The following EBAG9 variants were observed in gnomAD, a reference collection of about 807,000 sequenced individuals.
EBAG9 encodes estrogen receptor binding site associated antigen 9.
Under a neutral mutation model 30.9 loss-of-function variants are expected in EBAG9, and 16 were observed. The observed-to-expected ratio is 0.52, with a 90% CI of 0.35 to 0.79. The LOEUF is 0.79. Among genes scored for constraint, EBAG9 ranks in the 30% least tolerant of loss-of-function variants. EBAG9 has a pLI of 0.01. For missense variants in EBAG9, 197 were observed against 242.1 expected (o/e 0.81, Z 1.24); for synonymous variants, 93 against 82.8 (o/e 1.12, Z -0.67).
chr8:109,560,800 C>T (rs1821695179), intron 5 of EBAG9, 38 bp from the exon 6 acceptor site: 1 of 1,461,768 alleles, frequency 6.8e-7, no homozygotes, highest in Non-Finnish European at 9.6e-7. Flanking sequence ...GAAAGGATGG[C>T]TTTTACTCTC....
chr8:109,557,669 G>A (rs1821628402), intron 5 of EBAG9: 3 of 455,948 alleles, frequency 6.6e-6, no homozygotes, highest in South Asian at 4.6e-5. Flanking sequence ...AGTTTCTGTG[G>A]ATTGGGAATC....
intron 4 of EBAG9, among the ~76,000 whole-genome samples, chr8:109,556,731 A>G (rs1024183585): frequency 3.9e-5 from 6 of 152,148 alleles, no homozygotes; most frequent in Admixed American, 3.3e-4. Context: ...TAATTTTTAA[A>G]AGTGAAATAC....
At chr8:109,549,273 A>G (rs1436950393) in intron 1 of EBAG9, among the ~76,000 whole-genome samples, 1 of 152,010 alleles carries the variant, frequency 6.6e-6, no homozygotes, top group Non-Finnish European at 1.5e-5. Flanking sequence ...TGTAGTATCC[A>G]TTTATATATT....
chr8:109,545,584 C>T (rs1030254482), intron 1 of EBAG9, among the ~76,000 whole-genome samples: 3 of 151,900 alleles, frequency 2.0e-5, no homozygotes, highest in Non-Finnish European at 2.9e-5. Context: ...AGGCTGGTCT[C>T]GAACTCCTGA....
At chr8:109,550,160 A>G (rs1459900120) in intron 1 of EBAG9, 1 of 151,906 alleles carries the variant, frequency 6.6e-6, no homozygotes, top group African/African-American at 2.4e-5. Context: ...TGCCTTTTCA[A>G]TTGAGTAGTT....
chr8:109,545,178 C>G (rs1479694701), intron 1 of EBAG9, among the ~76,000 whole-genome samples: 2 of 151,564 alleles, frequency 1.3e-5, no homozygotes, highest in African/African-American at 2.4e-5. Context: ...AAAAATTAAC[C>G]TGGTGTGGTG....
chr8:109,544,680 A>C (rs1470947691), intron 1 of EBAG9, among the ~76,000 whole-genome samples: 1 of 152,226 alleles, frequency 6.6e-6, no homozygotes, highest in Non-Finnish European at 1.5e-5. Flanking sequence ...AAGTGTGTGC[A>C]CATATGCACA....
intron 6 of EBAG9, chr8:109,563,456 C>G (rs760947681): frequency 6.3e-7 from 1 of 1,597,628 alleles, no homozygotes; most frequent in East Asian, 2.2e-5. Flanking sequence ...ACTCCTACCT[C>G]CACTCCCTAC....
Position 109,557,022 on chromosome 8 carries a change from C to A in EBAG9, c.409C>A (p.Leu137Met), listed in dbSNP as rs1350736209. ...TAGTAGATTAGCAGCTACACAAGAT[C>A]TGCCTTTTATTCATCAGTCTGTAAG... ...FSSRLAATQD[L>M]PFIHQSSELG... The change falls in exon 5 of 7, where the codon CTG becomes ATG. Residue 137 changes from leucine (L) to methionine (M), a missense_variant. By Grantham distance (15) the Leu-to-Met change is conservative (BLOSUM62 2). Transcript: ENST00000337573. 3 of 1,605,874 alleles carry A rather than the reference C, an allele frequency of 1.9e-6. No homozygotes were observed. Among genetic ancestry groups the A allele is most frequent in the Non-Finnish European group, 2.6e-6 (3 of 1,175,234 alleles).
At chr8:109,543,750 G>GC (rs1461714504) in intron 1 of EBAG9, among the ~76,000 whole-genome samples, 1 of 152,112 alleles carries the variant, frequency 6.6e-6, no homozygotes, top group Non-Finnish European at 1.5e-5. Context: ...AAAAGCATGG[G>GC]CTGGGCATGG....
At chr8:109,554,938 T>C (rs764082993) in intron 4 of EBAG9, 51 bp downstream of exon 4, 1 of 1,529,796 alleles carries the variant, frequency 6.5e-7, no homozygotes, top group South Asian at 1.2e-5. Context: ...TAGATTCCTA[T>C]AGTTAAAATT....
chr8:109,562,485 T>C (rs569093762), intron 6 of EBAG9, among the ~76,000 whole-genome samples: 23 of 152,072 alleles, frequency 1.5e-4, no homozygotes, highest in African/African-American at 5.5e-4. Context: ...TGAATAGACA[T>C]TGAGCATTTT....
chr8:109,554,373 T>C (rs1037815419), intron 3 of EBAG9, among the ~76,000 whole-genome samples: 1 of 152,184 alleles, frequency 6.6e-6, no homozygotes, highest in Non-Finnish European at 1.5e-5. Context: ...GTGGAGAAGC[T>C]TGGTATTTTT....
chr8:109,554,810 A>G lies in EBAG9; in HGVS notation c.244A>G (p.Thr82Ala), dbSNP rs752861880. The change falls in exon 4 of 7, where the codon ACA becomes GCA. Residue 82 changes from threonine to alanine, a missense_variant. By Grantham distance (58) the Thr-to-Ala change is moderately conservative. Coordinates refer to ENST00000337573, the MANE Select transcript of EBAG9 (RefSeq NM_004215.5). Reference sequence around the variant, plus strand: ...CGAAGGAGGGAATGGGAATGTGGCAACACAACAAAATTCTTTGGAACAACT... The same window carrying G: ...CGAAGGAGGGAATGGGAATGTGGCAGCACAACAAAATTCTTTGGAACAACT... ...KIEGGNGNVA[T>A]QQNSLEQLEP... 8 of 1,613,896 alleles carry G rather than the reference A, an allele frequency of 5.0e-6. No homozygotes were observed. The highest frequency in any genetic ancestry group is 6.8e-6 in the Non-Finnish European group (8 of 1,179,850).
At chr8:109,557,788 C>T (rs1420649612) in intron 5 of EBAG9, 2 of 437,264 alleles carry the variant, frequency 4.6e-6, no homozygotes, top group African/African-American at 4.0e-5. Context: ...TCGAAGGATT[C>T]ATTTCAAAGA....
At chr8:109,550,405 A>G (rs910590772) in intron 1 of EBAG9, 5 of 153,900 alleles carry the variant, frequency 3.2e-5, no homozygotes, top group African/African-American at 1.2e-4. Flanking sequence ...AAATGGATAT[A>G]AGGAAATATA....
intron 4 of EBAG9, among the ~76,000 whole-genome samples, chr8:109,555,295 C>T (rs1432935423): frequency 6.6e-6 from 1 of 152,104 alleles, no homozygotes; most frequent in East Asian, 1.9e-4. Flanking sequence ...CATCCATGTC[C>T]CTATGGAGGA....
At chr8:109,542,675 A>C (rs939321669) in intron 1 of EBAG9, among the ~76,000 whole-genome samples, 1 of 152,174 alleles carries the variant, frequency 6.6e-6, no homozygotes, top group African/African-American at 2.4e-5. Context: ...GCTTTAAATG[A>C]AGTGATTGTT....
chr8:109,541,992 AGATGT>A lies in EBAG9; in HGVS notation c.-16+1532_-16+1536del, dbSNP rs369072431. Among the ~76,000 whole-genome samples, 1,181 of 152,306 alleles carry A rather than the reference AGATGT, an allele frequency of 7.8e-3. 12 individuals carry two copies. The highest frequency in any genetic ancestry group is 0.026 in the African/African-American group (1,093 of 41,582). On this transcript the variant is annotated intron_variant, in intron 1 of 6. Transcript: ENST00000337573. Reference sequence around the variant, plus strand: ...TTATTAAGAATGTTCCTTGTTCATGAGATGTTCTTGGCTTTTGAATTAAATATACC... The same window carrying A: ...TTATTAAGAATGTTCCTTGTTCATGATCTTGGCTTTTGAATTAAATATACC...
Sources: gnomAD v4.1 joint callset for allele counts (sites outside exome capture counted in the v4.1 genomes callset) on GRCh38, gnomAD v4.1.1 for gene constraint, MANE v1.5 for transcripts, NCBI Gene and HGNC (gene_info 2026-07-23, HGNC 2026-07-21) for gene names.